BRD7: variants seen among roughly 807,000 people sequenced by gnomAD.
BRD7 encodes bromodomain containing 7.
BRD7 carries 15 observed loss-of-function variants against 82.1 expected under a neutral mutation model. The observed-to-expected ratio is 0.18, with a 90% confidence interval of 0.12 to 0.28. BRD7 has a LOEUF of 0.28. BRD7 is among the 10% of genes least tolerant of loss of function. The pLI is 1.00. For synonymous variants in BRD7, 232 were observed against 266.9 expected (o/e 0.87, Z 1.27); for missense variants, 638 against 779.9 (o/e 0.82, Z 2.17).
Position 50,317,365 on chromosome 16 carries a change from ATC to A in BRD7, c.*1844_*1845del. ...CTATACTGAAATCTGTGCTCTCAAG[ATC>A]TAGCAGTGACCAGGGCTGCCCGGCG... On this transcript the variant is annotated 3_prime_UTR_variant, in exon 17 of 17. Transcript: ENST00000394688. The A allele has an allele frequency of 6.6e-6, 1 of 152,344 alleles. No homozygotes were observed. Among genetic ancestry groups the A allele is most frequent in the Admixed American group, 6.5e-5 (1 of 15,276 alleles). The allele number at this position is 152,344 out of a possible 1,614,324, so 9.4% of individuals were successfully genotyped here.
At chr16:50,356,723 AATAT>A (rs1555471454) in intron 2 of BRD7, among the ~76,000 whole-genome samples, 33 of 144,134 alleles carry the variant, frequency 2.3e-4, no homozygotes, top group African/African-American at 7.9e-4. Flanking sequence ...GGAAAAAAAA[AATAT>A]ATATATATAT....
rs565440363 is a variant in BRD7 at position 50,340,076 on chromosome 16, T to C, written c.602A>G (p.Lys201Arg). Residue 201 changes from lysine to arginine, a missense_variant, in exon 6 of 17, where the codon AAA becomes AGA. Lys to Arg is a conservative substitution (Grantham distance 26). This residue lies in a region of BRD7 where 64 missense variants were observed against 123.8 expected (regional missense o/e 0.52). Transcript: ENST00000394688. The stretch of plus-strand genomic sequence containing the variant: ...AATCATGGCATTAGTACACATTAGT[T>C]TGAAGTTATCCTGCAGAAAGAACAT... The part of the protein sequence containing the change: ...QSIEELKDNF[K>R]LMCTNAMIYN... 2.6e-6 allele frequency: 4 copies of C among 1,538,646 alleles called. No homozygotes were observed. The highest frequency in any genetic ancestry group is 3.9e-5 in the Admixed American group (2 of 50,976).
intron 6 of BRD7, among the ~76,000 whole-genome samples, 160 bp downstream of exon 6, chr16:50,339,812 CTCTT>C (rs1278693110): frequency 2.6e-5 from 4 of 151,978 alleles, no homozygotes; most frequent in South Asian, 2.1e-4. Flanking sequence ...TAATTTTCTT[CTCTT>C]TATTAAAATT....
rs191589353 is a variant in BRD7, at chr16:50,366,215, A to G, written c.258+1875T>C. Among the ~76,000 whole-genome samples the G allele has an allele frequency of 2.5e-3, 386 of 152,334 alleles. 1 individual carries two copies. Among genetic ancestry groups the G allele is most frequent in the Middle Eastern group, 0.024 (7 of 294 alleles). On this transcript the variant is annotated intron_variant, in intron 2 of 16. Coordinates refer to ENST00000394688, the MANE Select transcript of BRD7 (RefSeq NM_013263.5). ...AGAACTTATAAAATCTACCCCGTGT[A>G]TGCTTTCTTAGGACGTTCCTAGAGT...
chr16:50,355,953 G>A (rs1469915906), intron 2 of BRD7, among the ~76,000 whole-genome samples: 1 of 152,084 alleles, frequency 6.6e-6, no homozygotes, highest in Non-Finnish European at 1.5e-5. Context: ...TCCATGAAGA[G>A]CATCTATAAA....
At chr16:50,359,796 A>C (rs2038873043) in intron 2 of BRD7, among the ~76,000 whole-genome samples, 1 of 152,092 alleles carries the variant, frequency 6.6e-6, no homozygotes, top group Non-Finnish European at 1.5e-5. Flanking sequence ...CAAGTGTGGG[A>C]AGGTTTCCAT....
chr16:50,321,114 TGAC>T (rs1454125176), intron 13 of BRD7, among the ~76,000 whole-genome samples: 1 of 152,256 alleles, frequency 6.6e-6, no homozygotes, highest in Admixed American at 6.5e-5. Context: ...CTTTTGGTGA[TGAC>T]AATGCCTTGT....
At chr16:50,364,715 A>G (rs1046213462) in intron 2 of BRD7, among the ~76,000 whole-genome samples, 1 of 152,262 alleles carries the variant, frequency 6.6e-6, no homozygotes. Context: ...ACAAGTGTAC[A>G]AAGATGTGTG....
At chr16:50,319,783 G>T in intron 16 of BRD7, 104 bp downstream of exon 16, 1 of 1,446,072 alleles carries the variant, frequency 6.9e-7, no homozygotes, top group Non-Finnish European at 9.3e-7. Context: ...TCTTTGTGGG[G>T]TAAATACCAA....
chr16:50,350,279 A>T, intron 4 of BRD7, 112 bp from the exon 5 acceptor site: 1 of 719,178 alleles, frequency 1.4e-6, no homozygotes. Context: ...AATTTGTAAT[A>T]TGTTAACATA....
chr16:50,346,636 C>G (rs1261030880), intron 5 of BRD7, among the ~76,000 whole-genome samples: 1 of 152,196 alleles, frequency 6.6e-6, no homozygotes, highest in Non-Finnish European at 1.5e-5. Context: ...ATACTATAAA[C>G]ACCTCCATGC....
chr16:50,335,695 G>T (rs2037769303), intron 6 of BRD7, among the ~76,000 whole-genome samples: 1 of 152,182 alleles, frequency 6.6e-6, no homozygotes, highest in African/African-American at 2.4e-5. Flanking sequence ...CTAAGAACTA[G>T]AAAGAACCAG....
chr16:50,334,122 C>A (rs2037689499), intron 7 of BRD7, among the ~76,000 whole-genome samples: 1 of 152,188 alleles, frequency 6.6e-6, no homozygotes, highest in African/African-American at 2.4e-5. Context: ...GCAAAAATCC[C>A]AAACTGCTAA....
intron 2 of BRD7, chr16:50,361,653 A>G (rs897905162): frequency 1.3e-5 from 2 of 152,326 alleles, no homozygotes; most frequent in African/African-American, 4.8e-5. Flanking sequence ...CTCAGCTTTT[A>G]TCATTCTTCC....
At chr16:50,332,116 A>G (rs1442664375) in intron 8 of BRD7, among the ~76,000 whole-genome samples, 1 of 152,244 alleles carries the variant, frequency 6.6e-6, no homozygotes, top group East Asian at 1.9e-4. Context: ...CAAAAGTGAC[A>G]AAAACAAAAA....
intron 2 of BRD7, among the ~76,000 whole-genome samples, chr16:50,363,676 C>T (rs1433472036): frequency 4.8e-5 from 3 of 62,768 alleles, no homozygotes; most frequent in African/African-American, 1.0e-4. Context: ...CGCGCGCGTG[C>T]GCGTGTGCTT....
At chr16:50,341,936 A>T (rs1384078864) in intron 5 of BRD7, among the ~76,000 whole-genome samples, 4 of 145,920 alleles carry the variant, frequency 2.7e-5, no homozygotes, top group African/African-American at 8.1e-5. Flanking sequence ...TTTCACACAC[A>T]CACACACACA....
chr16:50,334,453 G>C (rs1181161987), intron 7 of BRD7, among the ~76,000 whole-genome samples: 1 of 152,048 alleles, frequency 6.6e-6, no homozygotes, highest in African/African-American at 2.4e-5. Flanking sequence ...AGTCCCAAAA[G>C]ACACTTTATA....
intron 12 of BRD7, 110 bp from the exon 13 acceptor site, chr16:50,322,148 G>T: frequency 1.3e-6 from 1 of 785,842 alleles, no homozygotes; most frequent in Non-Finnish European, 2.1e-6. Flanking sequence ...ATACAAATAT[G>T]GACTACTGGA....
Sources: allele counts gnomAD v4.1 joint callset (sites outside exome capture counted in the v4.1 genomes callset), GRCh38; gene constraint gnomAD v4.1.1; regional missense constraint gnomAD v4.1.1; transcripts MANE v1.5; gene names NCBI Gene and HGNC (gene_info 2026-07-23, HGNC 2026-07-21).